The following C4orf51 variants were observed in gnomAD, a reference collection of about 807,000 sequenced individuals.
The protein encoded by C4orf51 is uncharacterized protein C4orf51.
In C4orf51, 25 loss-of-function variants were observed where a neutral mutation model predicts 25.2. The observed-to-expected ratio is 0.99, with a 90% confidence interval of 0.72 to 1.39. The LOEUF is 1.39. Among genes scored for constraint, C4orf51 ranks in the 40% most tolerant of loss-of-function variants. C4orf51 has a pLI of 0.00. For synonymous variants in C4orf51, 100 were observed against 84.5 expected (o/e 1.18, Z -1.01); for missense variants, 252 against 239.6 (o/e 1.05, Z -0.34).
At chr4:145,766,728 C>G (rs1735361329) in intron 1 of C4orf51, among the ~76,000 whole-genome samples, 1 of 152,132 alleles carries the variant, frequency 6.6e-6, no homozygotes, top group Non-Finnish European at 1.5e-5. Context: ...GAAAAGCCAC[C>G]TGAAAAGCTT....
In C4orf51 at chr4:145,729,357, A is replaced by T. The variant is rs949468537; in HGVS notation, c.427+128A>T. On this transcript the variant is annotated intron_variant, in intron 4 of 5. Transcript: ENST00000438731. The stretch of plus-strand genomic sequence containing the variant: ...CTCACACTCTCCCAGGCTGACGTGC[A>T]GTGGCGCGATCTCGGCTCACTGCAA... 5.4e-6 allele frequency: 3 copies of T among 559,642 alleles called. No homozygotes were observed. The Admixed American group carries it at 1.2e-4, about 22-fold the overall frequency. The allele number at this position is 559,642 out of a possible 1,614,324, so 34.7% of individuals were successfully genotyped here.
At chr4:145,749,775 A>G (rs1197778443) in intron 1 of C4orf51, among the ~76,000 whole-genome samples, 1 of 152,046 alleles carries the variant, frequency 6.6e-6, no homozygotes, top group Non-Finnish European at 1.5e-5. Context: ...CTGGAACTAC[A>G]GGTGTCCACC....
chr4:145,772,259 G>A (rs1736407524), downstream of C4orf51, among the ~76,000 whole-genome samples: 1 of 152,160 alleles, frequency 6.6e-6, no homozygotes. Context: ...TCCAGGTGCT[G>A]AGATACAGCA....
rs562756204 is a variant in C4orf51, at chr4:145,729,107, T to C, written c.367-62T>C. The C allele has an allele frequency of 1.1e-5, 13 of 1,148,954 alleles. No individual in the cohort carries two copies. In the African/African-American group the frequency reaches 1.7e-4, roughly 15 times the overall value. The allele number at this position is 1,148,954 out of a possible 1,614,324, so 71.2% of individuals were successfully genotyped here. A position where few individuals can be genotyped will look rare whatever the true frequency, so the allele number is the denominator to read the frequency against. On this transcript the variant is annotated intron_variant, in intron 3 of 5. Transcript: ENST00000438731. Reference sequence around the variant, plus strand: ...GAGGAACAATGTTGGGAAAATGAATTTTATTAGATTTCTATTATTATGAAA... The same window carrying C: ...GAGGAACAATGTTGGGAAAATGAATCTTATTAGATTTCTATTATTATGAAA...
chr4:145,686,835 T>G (rs1310479472), intron 1 of C4orf51, among the ~76,000 whole-genome samples: 1 of 152,336 alleles, frequency 6.6e-6, no homozygotes, highest in East Asian at 1.9e-4. Flanking sequence ...GATTAATGTA[T>G]GTTTAATAAG....
At chr4:145,716,836 T>C (rs1257325421) in intron 2 of C4orf51, among the ~76,000 whole-genome samples, 6 of 152,016 alleles carry the variant, frequency 3.9e-5, no homozygotes. Flanking sequence ...CTGAGGAGGG[T>C]TTTATGTGTT....
chr4:145,710,246 A>C (rs890380941), intron 2 of C4orf51, among the ~76,000 whole-genome samples: 1 of 152,218 alleles, frequency 6.6e-6, no homozygotes, highest in Non-Finnish European at 1.5e-5. Flanking sequence ...AACAGAGGCA[A>C]GTTTTAGAGG....
intron 2 of C4orf51, among the ~76,000 whole-genome samples, chr4:145,697,358 G>A (rs980489542): frequency 3.9e-5 from 6 of 151,966 alleles, no homozygotes; most frequent in Non-Finnish European, 5.9e-5. Flanking sequence ...TTGGCCTCCC[G>A]GAGTTCTGGG....
chr4:145,697,062 C>CCAAA (rs1438808471), intron 2 of C4orf51, among the ~76,000 whole-genome samples: 4 of 150,268 alleles, frequency 2.7e-5, no homozygotes, highest in Admixed American at 6.6e-5. Context: ...AACCAACCAA[C>CCAAA]CAAACAAACA....
chr4:145,744,861 AAAAG>A (rs1243408946), intron 1 of C4orf51, among the ~76,000 whole-genome samples: 1 of 151,484 alleles, frequency 6.6e-6, no homozygotes, highest in Non-Finnish European at 1.5e-5. Context: ...TCAAAAAAAA[AAAAG>A]AGAGATGGGA....
intron 2 of C4orf51, among the ~76,000 whole-genome samples, chr4:145,715,734 CTTGATG>C (rs1731376472): frequency 6.6e-6 from 1 of 152,152 alleles, no homozygotes; most frequent in African/African-American, 2.4e-5. Context: ...CTTTTAGATT[CTTGATG>C]GTAGCCCCAA....
chr4:145,774,679 G>A, downstream of C4orf51: 2 of 1,612,360 alleles, frequency 1.2e-6, no homozygotes, highest in Non-Finnish European at 1.7e-6. Flanking sequence ...ACAACTACAT[G>A]AAAGGGTAAA....
intron 2 of C4orf51, among the ~76,000 whole-genome samples, chr4:145,726,249 G>A (rs148126693): frequency 5.3e-5 from 8 of 152,292 alleles, no homozygotes; most frequent in African/African-American, 2.4e-5. Context: ...TGTATACAAT[G>A]TGTAATGAGT....
At chr4:145,755,702 G>A (rs533652674), downstream of C4orf51, among the ~76,000 whole-genome samples, 30 of 152,238 alleles carry the variant, frequency 2.0e-4, no homozygotes, top group African/African-American at 7.2e-4. Flanking sequence ...ACTTACCCTG[G>A]GGCCTGTTTT....
chr4:145,792,336 A>G, the C4orf51 span, among the ~76,000 whole-genome samples: 52 of 152,204 alleles, frequency 3.4e-4, no homozygotes, highest in Admixed American at 3.0e-3. Flanking sequence ...GAATTTGTAT[A>G]TGAAAGTCAG....
rs1449755624 is a variant in C4orf51, at chr4:145,765,151, A to G, written n.167-5837A>G. The G allele has an allele frequency of 1.2e-6, 2 of 1,611,170 alleles. No homozygotes were observed. The highest frequency in any genetic ancestry group is 1.7e-6 in the Non-Finnish European group (2 of 1,178,558). On this transcript the variant is annotated intron_variant and non_coding_transcript_variant, in intron 1 of 1. Coordinates refer to the C4orf51 transcript ENST00000510096. This position sits in a 1 kb window ranked among gnomAD's most constrained non-coding sequence, Gnocchi z 4.7. ...TTCGTCTTGCAGACAAAGTTGCAAA[A>G]AACACATTCGAACCCTGCAAGGACC...
chr4:145,774,750 C>T (rs1736792885), downstream of C4orf51: 2 of 1,461,766 alleles, frequency 1.4e-6, no homozygotes, highest in Non-Finnish European at 1.9e-6. Context: ...TCCATTTATA[C>T]ACAGTACACT....
chr4:145,717,060 T>C (rs1298838317), intron 2 of C4orf51, among the ~76,000 whole-genome samples: 1 of 152,196 alleles, frequency 6.6e-6, no homozygotes, highest in Non-Finnish European at 1.5e-5. Flanking sequence ...CTGATCTGAG[T>C]AGCACAAAGT....
chr4:145,724,268 G>A (rs1731913377), intron 2 of C4orf51, among the ~76,000 whole-genome samples: 1 of 152,098 alleles, frequency 6.6e-6, no homozygotes, highest in South Asian at 2.1e-4. Context: ...ACAGACCATG[G>A]AACAATCAGC....
Sources: gnomAD v4.1 joint callset for allele counts (sites outside exome capture counted in the v4.1 genomes callset) on GRCh38, gnomAD v4.1.1 for gene constraint, Gnocchi (gnomAD v3.1) non-coding constraint, MANE v1.5 for transcripts, NCBI Gene and HGNC (gene_info 2026-07-23, HGNC 2026-07-21) for gene names.